The following ASTN2 variants were observed in gnomAD, a reference collection of about 807,000 sequenced individuals.
ASTN2 encodes astrotactin-2.
ASTN2 carries 54 observed loss-of-function variants against 139.8 expected under a neutral mutation model. That is an observed-to-expected ratio of 0.39 (90% CI 0.31 to 0.48). The LOEUF (loss-of-function observed/expected upper bound fraction) is 0.48. Among genes scored for constraint, ASTN2 ranks in the 20% least tolerant of loss-of-function variants. ASTN2 has a pLI of 0.95. For synonymous variants in ASTN2, 756 were observed against 719.5 expected, an observed-to-expected ratio of 1.05 and a Z score of -0.81; for missense variants, 1,565 against 1,725.1, an observed-to-expected ratio of 0.91 and a Z score of 1.64.
At chr9:117,243,169 C>A (rs1833266298) in intron 2 of ASTN2, among the ~76,000 whole-genome samples, 1 of 152,192 alleles carries the variant, frequency 6.6e-6, no homozygotes, top group Non-Finnish European at 1.5e-5. Context: ...AGTTGCATAG[C>A]TAAGAAGTGG....
chr9:117,066,675 C>A (rs1444786988), intron 5 of ASTN2, among the ~76,000 whole-genome samples: 2 of 152,236 alleles, frequency 1.3e-5, no homozygotes, highest in African/African-American at 4.8e-5. Flanking sequence ...TCCTCTCCAG[C>A]ACCTGTTGTT....
intron 13 of ASTN2, among the ~76,000 whole-genome samples, chr9:116,740,697 G>A (rs947034451): frequency 6.6e-6 from 1 of 151,658 alleles, no homozygotes; most frequent in African/African-American, 2.4e-5. Flanking sequence ...ATTTTTTTTA[G>A]TAGAGATGGG....
At chr9:116,579,761 G>A (rs527473860) in intron 19 of ASTN2, among the ~76,000 whole-genome samples, 1 of 152,266 alleles carries the variant, frequency 6.6e-6, no homozygotes, top group South Asian at 2.1e-4. Context: ...CGGCTCTGCT[G>A]TGCCATAGGT....
At chr9:117,133,710 A>G (rs1022485596) in intron 4 of ASTN2, among the ~76,000 whole-genome samples, 1 of 152,218 alleles carries the variant, frequency 6.6e-6, no homozygotes, top group African/African-American at 2.4e-5. Context: ...AAGATAGTGA[A>G]GAGGTTGTCA....
rs947509728 is a variant in ASTN2 at position 116,746,236 on chromosome 9, A to C, written c.2397-12713T>G. ...TGAGTAGCTGGGATTACAGGCATGC[A>C]TCACCATGCCCGGCTAATGTTTGTA... is the stretch of plus-strand genomic sequence containing the variant. On this transcript the variant is annotated intron_variant, in intron 13 of 22. Coordinates refer to ENST00000313400, the MANE Select transcript of ASTN2 (RefSeq NM_001365068.1). 2.0e-5 allele frequency among the ~76,000 whole-genome samples: 3 copies of C among 151,776 alleles called. No homozygotes were observed. The South Asian group carries it at 6.3e-4, about 32-fold the overall frequency.
At chr9:116,791,033 AAGAAAGAAAG>A (rs1564269202) in intron 13 of ASTN2, among the ~76,000 whole-genome samples, 1 of 105,804 alleles carries the variant, frequency 9.5e-6, no homozygotes, top group Non-Finnish European at 2.1e-5. Flanking sequence ...GAAAGAAAGA[AAGAAAGAAAG>A]AAAAGAAAAG....
intron 1 of ASTN2, among the ~76,000 whole-genome samples, chr9:117,315,927 G>A (rs180739463): frequency 2.0e-4 from 31 of 152,316 alleles, no homozygotes; most frequent in African/African-American, 7.5e-4. Context: ...TGGGCAGATG[G>A]TAGTCATAAT....
intron 10 of ASTN2, among the ~76,000 whole-genome samples, chr9:116,966,548 C>A (rs1444065621): frequency 6.6e-6 from 1 of 152,066 alleles, no homozygotes; most frequent in Admixed American, 6.6e-5. Context: ...ATTATGATTG[C>A]TAAGGTAAAA....
At chr9:116,465,337 A>C (rs1355814410) in intron 20 of ASTN2, among the ~76,000 whole-genome samples, 1 of 152,148 alleles carries the variant, frequency 6.6e-6, no homozygotes, top group Non-Finnish European at 1.5e-5. Flanking sequence ...CAGCCTTAGA[A>C]ACCTTGAGTT....
Position 116,487,483 on chromosome 9 carries a change from C to T in ASTN2, c.3373G>A (p.Ala1125Thr). The T allele has an allele frequency of 6.2e-7, 1 of 1,613,856 alleles. No homozygotes were observed. Among genetic ancestry groups the T allele is most frequent in the Non-Finnish European group, 8.5e-7 (1 of 1,179,922 alleles). The change falls in exon 20 of 23, where the codon GCT becomes ACT. Residue 1125 changes from alanine (A) to threonine (T), a missense_variant. Ala to Thr is a moderately conservative substitution (Grantham distance 58). Coordinates refer to ENST00000313400, the MANE Select transcript of ASTN2 (RefSeq NM_001365068.1). Reference protein sequence around the residue: ...DLYTGEFLSFADDLLSGLGTS... With the variant: ...DLYTGEFLSFTDDLLSGLGTS... The stretch of plus-strand genomic sequence containing the variant: ...CCCAGGCCAGAGAGTAAGTCATCAG[C>T]AAAACTCAGGAATTCTCCTGGAGGG...
intron 13 of ASTN2, among the ~76,000 whole-genome samples, chr9:116,754,265 A>G (rs963782558): frequency 6.6e-6 from 1 of 152,178 alleles, no homozygotes; most frequent in African/African-American, 2.4e-5. Flanking sequence ...GTGCCGCCAT[A>G]AACATACGTG....
At chr9:117,125,761 A>G (rs976931134) in intron 4 of ASTN2, among the ~76,000 whole-genome samples, 2 of 151,950 alleles carry the variant, frequency 1.3e-5, no homozygotes, top group Non-Finnish European at 2.9e-5. Flanking sequence ...TACAAACTCC[A>G]TCAGCAGAAC....
chr9:116,939,729 T>C (rs964828107), intron 10 of ASTN2, among the ~76,000 whole-genome samples: 2 of 152,120 alleles, frequency 1.3e-5, no homozygotes, highest in Non-Finnish European at 2.9e-5. Flanking sequence ...AATACCAATG[T>C]GGTCTCATAA....
chr9:117,204,224 T>C (rs1395891885), intron 3 of ASTN2, among the ~76,000 whole-genome samples: 1 of 152,160 alleles, frequency 6.6e-6, no homozygotes, highest in Non-Finnish European at 1.5e-5. Flanking sequence ...AATTTTTGTG[T>C]ATTTTTGGAT....
Position 116,769,068 on chromosome 9 carries a change from T to C in ASTN2, c.2397-35545A>G, listed in dbSNP as rs186247306. Among the ~76,000 whole-genome samples the C allele has an allele frequency of 2.2e-3, 342 of 152,196 alleles. 2 individuals are homozygous for C. Among genetic ancestry groups the C allele is most frequent in the African/African-American group, 5.5e-3 (229 of 41,532 alleles). On this transcript the variant is annotated intron_variant, in intron 13 of 22. Transcript: ENST00000313400. ...ATACAGATTTCAAAAACAACATACA[T>C]GGGATGCTCTGAAAGTCTGTAGCCC...
chr9:116,915,066 TCTTTGCAAA>T (rs1306710023), intron 10 of ASTN2, among the ~76,000 whole-genome samples: 1 of 152,200 alleles, frequency 6.6e-6, no homozygotes, highest in Non-Finnish European at 1.5e-5. Context: ...TGTGAGATGT[TCTTTGCAAA>T]CTTTTCTTAG....
chr9:116,446,271 A>G (rs1847990193), intron 20 of ASTN2, among the ~76,000 whole-genome samples: 1 of 71,896 alleles, frequency 1.4e-5, no homozygotes, highest in African/African-American at 4.9e-5. Context: ...AGAGAGAGAG[A>G]TAGAGAGAGA....
intron 19 of ASTN2, among the ~76,000 whole-genome samples, chr9:116,566,262 A>G (rs1353406979): frequency 6.6e-6 from 1 of 152,000 alleles, no homozygotes; most frequent in Non-Finnish European, 1.5e-5. Context: ...GTTCTTTCAT[A>G]TGTTGGGCCT....
intron 6 of ASTN2, among the ~76,000 whole-genome samples, chr9:117,015,985 A>G (rs1255279570): frequency 6.6e-6 from 1 of 152,098 alleles, no homozygotes; most frequent in East Asian, 1.9e-4. Context: ...CCTCCCACCC[A>G]TGAAATTTTA....
Sources: gnomAD v4.1 joint callset for allele counts (sites outside exome capture counted in the v4.1 genomes callset) on GRCh38, gnomAD v4.1.1 for gene constraint, MANE v1.5 for transcripts, NCBI Gene and HGNC (gene_info 2026-07-23, HGNC 2026-07-21) for gene names.